SMYD3: variants seen among roughly 807,000 people sequenced by gnomAD.
The protein encoded by SMYD3 is histone-lysine N-methyltransferase SMYD3.
Under a neutral mutation model 57.7 loss-of-function variants are expected in SMYD3, and 36 were observed. The ratio of observed to expected loss-of-function variants is 0.62; its 90% CI spans 0.48 to 0.82. The LOEUF (loss-of-function observed/expected upper bound fraction) is 0.82. Ranked by LOEUF, SMYD3 falls within the 40% of genes least tolerant of loss-of-function variation. The probability of loss-of-function intolerance (pLI) is 0.00; values close to 1 mark genes in which losing one functional copy is unlikely to be tolerated. For synonymous variants in SMYD3, 211 were observed against 195.0 expected (o/e 1.08, Z -0.68); for missense variants, 515 against 538.8 (o/e 0.96, Z 0.44).
rs962024648 is a variant in SMYD3, at chr1:246,372,141, C to T, written c.165-17047G>A. Among the ~76,000 whole-genome samples the T allele has an allele frequency of 8.5e-5, 13 of 152,260 alleles. No homozygotes were observed. The East Asian group carries it at 2.5e-3, about 29-fold the overall frequency. ...GAATTAAATGTTACAGCTGCAAGTG[C>T]ACTATAATTAATTACAAATTCTCAT... On this transcript the variant is annotated intron_variant, in intron 1 of 11. Transcript: ENST00000490107.
At chr1:246,051,645 T>C (rs190440260) in intron 5 of SMYD3, among the ~76,000 whole-genome samples, 12 of 151,032 alleles carry the variant, frequency 7.9e-5, no homozygotes, top group Non-Finnish European at 1.3e-4. Context: ...TAATTTCTTC[T>C]GCAGTACAAA....
chr1:246,481,605 T>TATATATATATATAC (rs1380085638), intron 1 of SMYD3, among the ~76,000 whole-genome samples: 1 of 86,188 alleles, frequency 1.2e-5, no homozygotes, highest in Non-Finnish European at 2.2e-5. Context: ...TATATATATA[T>TATATATATATATAC]ATACACATAC....
chr1:245,881,153 A>C (rs1369172338), intron 8 of SMYD3, among the ~76,000 whole-genome samples: 2 of 152,196 alleles, frequency 1.3e-5, no homozygotes, highest in Non-Finnish European at 2.9e-5. Context: ...GAAAACTCAC[A>C]TATCTAAGTA....
chr1:246,136,648 G>A (rs1016002240), intron 5 of SMYD3, among the ~76,000 whole-genome samples: 5 of 152,066 alleles, frequency 3.3e-5, no homozygotes, highest in African/African-American at 9.7e-5. Context: ...GGCAAGATAA[G>A]GAATACAGTT....
intron 1 of SMYD3, among the ~76,000 whole-genome samples, chr1:246,423,052 A>G (rs899982731): frequency 8.5e-5 from 13 of 152,144 alleles, no homozygotes; most frequent in Non-Finnish European, 1.3e-4. Flanking sequence ...AATTCCAATC[A>G]CTTTGGGAGG....
intron 5 of SMYD3, among the ~76,000 whole-genome samples, chr1:246,224,838 T>G (rs895778859): frequency 3.3e-5 from 5 of 151,944 alleles, no homozygotes; most frequent in African/African-American, 9.7e-5. Flanking sequence ...ACTAGATTTT[T>G]GTACTGAGCA....
Position 245,946,814 on chromosome 1 carries a change from T to C in SMYD3, c.532-16877A>G, listed in dbSNP as rs924902066. Among the ~76,000 whole-genome samples the C allele has an allele frequency of 8.5e-5, 13 of 152,292 alleles. No homozygotes were observed. In the East Asian group the frequency reaches 2.5e-3, roughly 29 times the overall value. ...GAGGAAAAATTGTCCCTTTTAATCA[T>C]GTTGCTATTATTTCACCGCCCAAGT... On this transcript the variant is annotated intron_variant, in intron 5 of 11. Transcript: ENST00000490107.
intron 1 of SMYD3, among the ~76,000 whole-genome samples, chr1:246,375,256 T>A (rs912628314): frequency 2.0e-5 from 3 of 151,662 alleles, no homozygotes; most frequent in African/African-American, 7.3e-5. Flanking sequence ...GCTAATTCAG[T>A]TTTCACAGTA....
At chr1:246,480,343 T>C (rs923207010) in intron 1 of SMYD3, among the ~76,000 whole-genome samples, 2 of 152,214 alleles carry the variant, frequency 1.3e-5, no homozygotes, top group African/African-American at 4.8e-5. Flanking sequence ...AGACTCCATG[T>C]GTGAGTTTCT....
chr1:245,924,779 C>T (rs2056254028), intron 7 of SMYD3, among the ~76,000 whole-genome samples: 1 of 151,666 alleles, frequency 6.6e-6, no homozygotes, highest in Non-Finnish European at 1.5e-5. Context: ...TCTCCTGCCT[C>T]AGCCTCCTCA....
chr1:246,498,721 A>G (rs1572060052), intron 1 of SMYD3, among the ~76,000 whole-genome samples: 1 of 136,650 alleles, frequency 7.3e-6, no homozygotes, highest in Non-Finnish European at 1.5e-5. Flanking sequence ...ACAGAGCAAG[A>G]CTCCGTCTCA....
At position 246,066,272 on chromosome 1, in the gene SMYD3, G is replaced by T. The variant is rs74473017; in HGVS notation, c.532-136335C>A. Among the ~76,000 whole-genome samples the T allele has an allele frequency of 1.1e-3, 169 of 152,280 alleles. 2 individuals carry two copies. In the East Asian group the frequency reaches 0.024, roughly 22 times the overall value. On this transcript the variant is annotated intron_variant, in intron 5 of 11. Coordinates refer to ENST00000490107, the MANE Select transcript of SMYD3 (RefSeq NM_001167740.2). Reference sequence around the variant, plus strand: ...GTCATTCAAACCGGGCTAATAAAAGGCAGCTTAGTGGACATCCTAAAAGGT... The same window carrying T: ...GTCATTCAAACCGGGCTAATAAAAGTCAGCTTAGTGGACATCCTAAAAGGT...
At position 246,309,008 on chromosome 1, in the gene SMYD3, G is replaced by C. The variant is rs181180654; in HGVS notation, c.531+18193C>G. 2.0e-5 allele frequency among the ~76,000 whole-genome samples: 3 copies of C among 152,012 alleles called. No homozygotes were observed. In the East Asian group the frequency reaches 5.8e-4, roughly 29 times the overall value. On this transcript the variant is annotated intron_variant, in intron 5 of 11. Coordinates refer to ENST00000490107, the MANE Select transcript of SMYD3 (RefSeq NM_001167740.2). ...AAATGAAAATTACTTATGTGCCTAAGATACTAAGATTTTAAAAGCTTATTT... is the reference window on the plus strand; with the variant it reads ...AAATGAAAATTACTTATGTGCCTAACATACTAAGATTTTAAAAGCTTATTT...
chr1:246,058,954 C>A (rs2060202877), intron 5 of SMYD3, among the ~76,000 whole-genome samples: 1 of 151,742 alleles, frequency 6.6e-6, no homozygotes, highest in African/African-American at 2.4e-5. Context: ...CGCTCACTGC[C>A]AGCTCCGCCT....
chr1:246,357,875 CACAGGACCT>C (rs2065931498), intron 1 of SMYD3, among the ~76,000 whole-genome samples: 1 of 152,100 alleles, frequency 6.6e-6, no homozygotes, highest in South Asian at 2.1e-4. Context: ...ACAGAAATTT[CACAGGACCT>C]ACATAACAAT....
chr1:246,206,884 T>C (rs2063008897), intron 5 of SMYD3, among the ~76,000 whole-genome samples: 1 of 152,200 alleles, frequency 6.6e-6, no homozygotes, highest in African/African-American at 2.4e-5. Flanking sequence ...ATTTAACAAC[T>C]GTAAAAAGCT....
At chr1:246,457,532 C>CAAAAAAAAAA (rs59617511) in intron 1 of SMYD3, among the ~76,000 whole-genome samples, 3 of 82,422 alleles carry the variant, frequency 3.6e-5, no homozygotes, top group East Asian at 8.2e-4. Flanking sequence ...GACTCTGCCT[C>CAAAAAAAAAA]AAAAAAAAAA....
At chr1:245,824,985 C>T (rs374552847) in intron 10 of SMYD3, among the ~76,000 whole-genome samples, 2 of 152,014 alleles carry the variant, frequency 1.3e-5, no homozygotes, top group Admixed American at 1.3e-4. Flanking sequence ...CAGCCGAGAT[C>T]GTGCCACTGC....
chr1:245,799,374 G>A (rs1229903597), intron 10 of SMYD3, among the ~76,000 whole-genome samples: 1 of 152,174 alleles, frequency 6.6e-6, no homozygotes, highest in East Asian at 1.9e-4. Context: ...TCTCAACTGT[G>A]TAGGACCCCA....
Sources: allele counts gnomAD v4.1 joint callset (sites outside exome capture counted in the v4.1 genomes callset), GRCh38; gene constraint gnomAD v4.1.1; transcripts MANE v1.5; gene names NCBI Gene and HGNC (gene_info 2026-07-23, HGNC 2026-07-21).